The following RARB variants were observed in gnomAD, a reference collection of about 807,000 sequenced individuals.
The protein encoded by RARB is HBV-activated protein.
RARB carries 17 observed loss-of-function variants against 51.9 expected under a neutral mutation model. The observed-to-expected ratio is 0.33, with a 90% CI of 0.22 to 0.49. RARB has a LOEUF of 0.49. Ranked by LOEUF, RARB falls within the 20% of genes least tolerant of loss-of-function variation. The probability of loss-of-function intolerance (pLI) is 0.99; values close to 1 mark genes in which losing one functional copy is unlikely to be tolerated. For synonymous variants in RARB, 215 were observed against 195.4 expected (o/e 1.10, Z -0.84); for missense variants, 369 against 550.8 (o/e 0.67, Z 3.30).
intron 2 of RARB, among the ~76,000 whole-genome samples, chr3:25,015,133 C>A (rs1056117221): frequency 1.3e-5 from 2 of 152,118 alleles, no homozygotes; most frequent in South Asian, 4.1e-4. Flanking sequence ...CTTATATATA[C>A]AATATGCTGA....
chr3:25,525,280 A>G (rs1046570799), intron 3 of RARB, among the ~76,000 whole-genome samples: 1 of 152,200 alleles, frequency 6.6e-6, no homozygotes, highest in Non-Finnish European at 1.5e-5. Flanking sequence ...GACAGGCAGA[A>G]TGAAAGTGTG....
At chr3:25,282,608 A>G (rs1703552756) in intron 5 of RARB, among the ~76,000 whole-genome samples, 1 of 152,198 alleles carries the variant, frequency 6.6e-6, no homozygotes, top group Non-Finnish European at 1.5e-5. Flanking sequence ...TGGAATATAG[A>G]TGGTGCTTGA....
At chr3:25,420,808 G>T (rs949605244) in intron 5 of RARB, among the ~76,000 whole-genome samples, 13 of 152,042 alleles carry the variant, frequency 8.6e-5, no homozygotes, top group African/African-American at 3.1e-4. Flanking sequence ...TGAGTAAATG[G>T]AGGGATGGGT....
chr3:25,041,913 C>T (rs1294725328), intron 2 of RARB, among the ~76,000 whole-genome samples: 1 of 152,046 alleles, frequency 6.6e-6, no homozygotes, highest in African/African-American at 2.4e-5. Flanking sequence ...ATGTAAAATA[C>T]TGAAAAGGAA....
intron 5 of RARB, among the ~76,000 whole-genome samples, chr3:25,403,264 T>C (rs539859391): frequency 5.3e-5 from 8 of 152,180 alleles, no homozygotes; most frequent in African/African-American, 9.6e-5. Context: ...AAGAGTGTAA[T>C]TGGATTGTTT....
intron 5 of RARB, among the ~76,000 whole-genome samples, chr3:25,382,883 A>T (rs766088611): frequency 6.6e-6 from 1 of 152,168 alleles, no homozygotes; most frequent in African/African-American, 2.4e-5. Context: ...AAAAAGTATC[A>T]GGATAACACA....
At chr3:25,158,679 A>T (rs569010677) in intron 4 of RARB, among the ~76,000 whole-genome samples, 17 of 152,238 alleles carry the variant, frequency 1.1e-4, no homozygotes, top group Non-Finnish European at 2.1e-4. Context: ...TTATGTAATT[A>T]ATGACTTTAT....
chr3:25,553,498 G>C (rs557306087), intron 3 of RARB, among the ~76,000 whole-genome samples: 2 of 152,262 alleles, frequency 1.3e-5, no homozygotes, highest in South Asian at 4.1e-4. Context: ...AAAGTCTTTG[G>C]ATGCTTATAA....
intron 2 of RARB, among the ~76,000 whole-genome samples, chr3:24,901,086 G>T (rs374605927): frequency 9.9e-5 from 15 of 152,256 alleles, no homozygotes; most frequent in East Asian, 7.7e-4. Context: ...TAGGTTTATG[G>T]CTCTTGGAAT....
At chr3:24,882,566 C>G (rs1239244966) in intron 2 of RARB, among the ~76,000 whole-genome samples, 1 of 152,208 alleles carries the variant, frequency 6.6e-6, no homozygotes, top group Non-Finnish European at 1.5e-5. Flanking sequence ...TTATTGTCAT[C>G]TATGGGACCA....
rs557105336 is a variant in RARB at position 25,225,590 on chromosome 3, A to G, written c.178+51015A>G. 1.4e-3 allele frequency among the ~76,000 whole-genome samples: 220 copies of G among 152,302 alleles called. 1 individual carries two copies. The highest frequency in any genetic ancestry group is 5.2e-3 in the African/African-American group (217 of 41,556). ...ATAATAAAAATGTTAAAGTCTCTCAAAATAGGATATTGATAGAACAGAATG... is the reference window on the plus strand; with the variant it reads ...ATAATAAAAATGTTAAAGTCTCTCAGAATAGGATATTGATAGAACAGAATG... On this transcript the variant is annotated intron_variant, in intron 5 of 11. Coordinates refer to the RARB transcript ENST00000383772.
chr3:24,989,838 G>A lies in RARB; in HGVS notation c.-379-70287G>A, dbSNP rs1262647555. Among the ~76,000 whole-genome samples the A allele has an allele frequency of 2.6e-5, 2 of 75,714 alleles. 1 individual carries two copies. The highest frequency in any genetic ancestry group is 1.1e-4 in the African/African-American group (2 of 18,452). 49.7% of individuals were successfully genotyped at this position (75,714 alleles called of 152,430 possible). A position where few individuals can be genotyped will look rare whatever the true frequency, so the allele number is the denominator to read the frequency against. On this transcript the variant is annotated intron_variant, in intron 2 of 11. Coordinates refer to the RARB transcript ENST00000383772. Reference sequence around the variant, plus strand: ...GACGGAGTCTCGCTCTGTCGCCCAGGCTGGACTGCGGACTGCAGTGGCGCA... The same window carrying A: ...GACGGAGTCTCGCTCTGTCGCCCAGACTGGACTGCGGACTGCAGTGGCGCA...
chr3:25,086,174 G>T (rs1699101094), intron 3 of RARB, among the ~76,000 whole-genome samples: 1 of 152,064 alleles, frequency 6.6e-6, no homozygotes, highest in Non-Finnish European at 1.5e-5. Context: ...CTCATATTCT[G>T]GTTATAGGAA....
At chr3:25,344,693 A>G (rs1380896130) in intron 5 of RARB, among the ~76,000 whole-genome samples, 1 of 152,214 alleles carries the variant, frequency 6.6e-6, no homozygotes, top group African/African-American at 2.4e-5. Context: ...TGTGAAAACA[A>G]CTTTGGTCTG....
chr3:25,522,656 G>T (rs1698451591), intron 3 of RARB, among the ~76,000 whole-genome samples: 1 of 152,098 alleles, frequency 6.6e-6, no homozygotes, highest in Non-Finnish European at 1.5e-5. Flanking sequence ...CAAAGACAGA[G>T]AACACTGGAA....
chr3:25,175,422 G>A (rs1033649113), intron 5 of RARB, among the ~76,000 whole-genome samples: 1 of 152,114 alleles, frequency 6.6e-6, no homozygotes, highest in African/African-American at 2.4e-5. Context: ...ACTCTTCCTG[G>A]TGATTGTTTT....
chr3:25,419,299 T>A (rs1044360144), intron 5 of RARB, among the ~76,000 whole-genome samples: 2 of 152,126 alleles, frequency 1.3e-5, no homozygotes, highest in Admixed American at 1.3e-4. Flanking sequence ...ACCTCCCTGT[T>A]CTACTGTTTA....
intron 3 of RARB, among the ~76,000 whole-genome samples, chr3:25,515,751 C>G (rs1698132899): frequency 6.6e-6 from 1 of 152,104 alleles, no homozygotes; most frequent in Non-Finnish European, 1.5e-5. Context: ...TGGTTACCCT[C>G]AGAAAGGAGG....
intron 5 of RARB, among the ~76,000 whole-genome samples, chr3:25,321,766 T>C (rs1704577308): frequency 6.6e-6 from 1 of 151,642 alleles, no homozygotes; most frequent in Non-Finnish European, 1.5e-5. Context: ...GAGTCTTGAA[T>C]CAATGCAAAG....
Sources: allele counts gnomAD v4.1 joint callset (sites outside exome capture counted in the v4.1 genomes callset), GRCh38; gene constraint gnomAD v4.1.1; transcripts MANE v1.5; gene names NCBI Gene and HGNC (gene_info 2026-07-23, HGNC 2026-07-21).